TLN2: variants seen among roughly 807,000 people sequenced by gnomAD.
The protein encoded by TLN2 is talin-2.
In TLN2, 118 loss-of-function variants were observed where a neutral mutation model predicts 294.7. The ratio of observed to expected loss-of-function variants is 0.40; its 90% CI spans 0.34 to 0.47. The LOEUF is 0.47. TLN2 is among the 20% of genes least tolerant of loss of function. TLN2 has a pLI of 0.84. For missense variants in TLN2, 3,083 were observed against 3,282.2 expected (o/e 0.94, Z 1.48); for synonymous variants, 1,431 against 1,304.5 (o/e 1.10, Z -2.09).
intron 1 of TLN2, among the ~76,000 whole-genome samples, chr15:62,457,923 T>A (rs1438460380): frequency 1.3e-5 from 2 of 152,206 alleles, no homozygotes; most frequent in African/African-American, 2.4e-5. Context: ...GTGACTTATT[T>A]ACCTTGTATA....
intron 41 of TLN2, among the ~76,000 whole-genome samples, chr15:62,768,044 C>T (rs866289417): frequency 1.3e-5 from 2 of 152,148 alleles, no homozygotes; most frequent in East Asian, 1.9e-4. Context: ...GCAGTCGGTG[C>T]GCCCTCTATC....
intron 1 of TLN2, among the ~76,000 whole-genome samples, chr15:62,583,589 T>C (rs2045332833): frequency 6.6e-6 from 1 of 152,044 alleles, no homozygotes; most frequent in South Asian, 2.1e-4. Context: ...GAAATAAAAA[T>C]TGATTTTATT....
intron 1 of TLN2, among the ~76,000 whole-genome samples, chr15:62,569,532 C>A (rs1390749196): frequency 6.6e-6 from 1 of 152,226 alleles, no homozygotes; most frequent in African/African-American, 2.4e-5. Context: ...TCTTCTCAGG[C>A]ACACTCTGCT....
chr15:62,612,390 A>G (rs1011009719), intron 2 of TLN2, among the ~76,000 whole-genome samples: 6 of 152,168 alleles, frequency 3.9e-5, no homozygotes, highest in African/African-American at 1.2e-4. Flanking sequence ...TGCAGGTGCT[A>G]TCCTTGGTCC....
intron 43 of TLN2, among the ~76,000 whole-genome samples, chr15:62,780,036 A>T (rs1050047802): frequency 6.6e-6 from 1 of 152,184 alleles, no homozygotes; most frequent in Non-Finnish European, 1.5e-5. Flanking sequence ...TGCCAGGGAA[A>T]TCTCAAATAC....
chr15:62,399,256 CAAAAAA>C (rs546678440), intron 1 of TLN2, among the ~76,000 whole-genome samples: 10 of 58,432 alleles, frequency 1.7e-4, no homozygotes, highest in East Asian at 1.2e-3. Flanking sequence ...CCGTCTCAAA[CAAAAAA>C]AAAAAAAAAA....
intron 1 of TLN2, among the ~76,000 whole-genome samples, chr15:62,507,396 C>T (rs1164973142): frequency 1.3e-5 from 2 of 152,166 alleles, no homozygotes; most frequent in East Asian, 1.9e-4. Flanking sequence ...CTCCCGCAAC[C>T]GAGTCCCCAT....
chr15:62,660,221 C>T (rs2053666175), intron 9 of TLN2, among the ~76,000 whole-genome samples: 1 of 152,124 alleles, frequency 6.6e-6, no homozygotes, highest in African/African-American at 2.4e-5. Context: ...CTCGAAGTTG[C>T]AATATGGACA....
At position 62,707,199 on chromosome 15, in the gene TLN2, T is replaced by G. The variant is rs776089593; in HGVS notation, c.2118T>G (p.Ile706Met). ...AEDTVLQNRVIAAATQCALST... is the reference protein window; with the variant it reads ...AEDTVLQNRVMAAATQCALST... ...ACACTGTCCTACAGAACAGGGTAAT[T>G]GCTGCTGCCACCCAGTGTGCCCTCT... The change falls in exon 20 of 59, where the codon ATT becomes ATG. Residue 706 changes from isoleucine to methionine, a missense_variant. Coordinates refer to ENST00000636159, the MANE Select transcript of TLN2 (RefSeq NM_015059.3). 24 of 1,613,968 alleles carry G rather than the reference T, an allele frequency of 1.5e-5. No homozygotes were observed. In the South Asian group the frequency reaches 2.6e-4, roughly 18 times the overall value.
At chr15:62,526,540 G>T (rs2040750914) in intron 1 of TLN2, among the ~76,000 whole-genome samples, 1 of 152,168 alleles carries the variant, frequency 6.6e-6, no homozygotes, top group African/African-American at 2.4e-5. Context: ...CAGGCCCCTG[G>T]TTTGGAATGC....
chr15:62,506,063 T>C (rs1284473468), intron 1 of TLN2, among the ~76,000 whole-genome samples: 1 of 152,210 alleles, frequency 6.6e-6, no homozygotes, highest in Non-Finnish European at 1.5e-5. Context: ...TGAATAAGAC[T>C]CATAAAGATC....
Position 62,771,462 on chromosome 15 carries a change from G to T in TLN2, c.5367+328G>T, listed in dbSNP as rs376603293. ...GCACTGACACCCAGCTTGCACAGAG[G>T]AATGTTCTATTGTGCTCCAGTAAAT... On this transcript the variant is annotated intron_variant, in intron 42 of 58. Transcript: ENST00000636159. Among the ~76,000 whole-genome samples, 11 of 152,268 alleles carry T rather than the reference G, an allele frequency of 7.2e-5. No individual in the cohort carries two copies. The East Asian group carries it at 1.5e-3, about 21-fold the overall frequency.
At chr15:62,647,469 G>C (rs1449822054) in intron 4 of TLN2, 23 bp downstream of exon 4, 1 of 1,612,596 alleles carries the variant, frequency 6.2e-7, no homozygotes, top group Non-Finnish European at 8.5e-7. Context: ...TTATTTACTG[G>C]CTTCTTAAAA....
chr15:62,727,324 AC>A, intron 28 of TLN2, 135 bp downstream of exon 28: 3 of 771,742 alleles, frequency 3.9e-6, no homozygotes, highest in African/African-American at 1.8e-5. Context: ...TTTTTCAAGC[AC>A]CATGTGCTTG....
At chr15:62,654,480 G>T (rs778707275) in intron 7 of TLN2, among the ~76,000 whole-genome samples, 2 of 152,084 alleles carry the variant, frequency 1.3e-5, no homozygotes, top group Non-Finnish European at 2.9e-5. Flanking sequence ...TTGGTTGCAC[G>T]TGGTGGCTCG....
intron 1 of TLN2, among the ~76,000 whole-genome samples, chr15:62,447,311 G>T (rs568037351): frequency 1.3e-5 from 2 of 152,044 alleles, no homozygotes; most frequent in East Asian, 1.9e-4. Context: ...GTTTTACGAG[G>T]TAGTGGGTCC....
At chr15:62,469,159 A>G (rs972308501) in intron 1 of TLN2, among the ~76,000 whole-genome samples, 1 of 152,242 alleles carries the variant, frequency 6.6e-6, no homozygotes, top group African/African-American at 2.4e-5. Context: ...AGATTCCAGA[A>G]GCTTCTTGAC....
At chr15:62,411,564 G>A (rs905193377) in intron 1 of TLN2, among the ~76,000 whole-genome samples, 22 of 151,954 alleles carry the variant, frequency 1.4e-4, no homozygotes, top group Admixed American at 3.9e-4. Context: ...TCTTAACAAT[G>A]GGGAGATATA....
chr15:62,516,365 A>G (rs1006128311), intron 1 of TLN2, among the ~76,000 whole-genome samples: 2 of 152,126 alleles, frequency 1.3e-5, no homozygotes, highest in African/African-American at 2.4e-5. Context: ...TTATGTTTTC[A>G]GTGTTTTTAT....
Sources: allele counts gnomAD v4.1 joint callset (sites outside exome capture counted in the v4.1 genomes callset), GRCh38; gene constraint gnomAD v4.1.1; transcripts MANE v1.5; gene names NCBI Gene and HGNC (gene_info 2026-07-23, HGNC 2026-07-21).